MARCHF3: variants seen among roughly 807,000 people sequenced by gnomAD.
The protein encoded by MARCHF3 is E3 ubiquitin-protein ligase MARCHF3.
In MARCHF3, 13 loss-of-function variants were observed where a neutral mutation model predicts 24.2. That is an observed-to-expected ratio of 0.54 (90% CI 0.35 to 0.85). The LOEUF (loss-of-function observed/expected upper bound fraction) is 0.85. MARCHF3 is among the 40% of genes least tolerant of loss of function. MARCHF3 has a pLI of 0.01. For missense variants in MARCHF3, 276 were observed against 325.0 expected, an observed-to-expected ratio of 0.85 and a Z score of 1.16; for synonymous variants, 144 against 137.3, an observed-to-expected ratio of 1.05 and a Z score of -0.34.
intron 1 of MARCHF3, among the ~76,000 whole-genome samples, chr5:126,959,239 C>T (rs1321545817): frequency 6.6e-6 from 1 of 152,138 alleles, no homozygotes; most frequent in Non-Finnish European, 1.5e-5. Context: ...TAGTATGTTT[C>T]CTTGATATGA....
At chr5:126,871,969 C>G (rs1050180842) in intron 4 of MARCHF3, among the ~76,000 whole-genome samples, 1 of 152,054 alleles carries the variant, frequency 6.6e-6, no homozygotes, top group South Asian at 2.1e-4. Flanking sequence ...CCTCAGCCTC[C>G]CAAAGGGCTG....
Position 126,914,174 on chromosome 5 carries a change from G to A in MARCHF3, c.393+756C>T, listed in dbSNP as rs372157401. ...AATTTTTTGTATTTTTAGTAGAGAC[G>A]GGGTTTCACAGTGTTAGCCAGGATG... On this transcript the variant is annotated intron_variant, in intron 3 of 4. Coordinates refer to ENST00000308660, the MANE Select transcript of MARCHF3 (RefSeq NM_178450.5). Among the ~76,000 whole-genome samples, 24 of 151,588 alleles carry A rather than the reference G, an allele frequency of 1.6e-4. No homozygotes were observed. The East Asian group carries it at 2.9e-3, about 18-fold the overall frequency.
rs1404119026 is a variant in MARCHF3, at chr5:126,868,584, T to C, written c.*2049A>G. On this transcript the variant is annotated 3_prime_UTR_variant, in exon 5 of 5. Coordinates refer to ENST00000308660, the MANE Select transcript of MARCHF3 (RefSeq NM_178450.5). ...TCATGAACCAAGATGGCAGGAATTCTCTGCAGCCAACCTTGACAGGAAATC... is the reference window on the plus strand; with the variant it reads ...TCATGAACCAAGATGGCAGGAATTCCCTGCAGCCAACCTTGACAGGAAATC... The C allele has an allele frequency of 6.6e-6, 1 of 152,226 alleles. No individual in the cohort carries two copies. Among genetic ancestry groups the C allele is most frequent in the Admixed American group, 6.5e-5 (1 of 15,284 alleles). 9.4% of individuals were successfully genotyped at this position (152,226 alleles called of 1,614,324 possible). A position where few individuals can be genotyped will look rare whatever the true frequency, so the allele number is the denominator to read the frequency against.
chr5:127,003,215 C>T (rs1030835415), intron 1 of MARCHF3, among the ~76,000 whole-genome samples: 3 of 151,798 alleles, frequency 2.0e-5, no homozygotes, highest in African/African-American at 7.3e-5. Context: ...CGCGGTGGCT[C>T]ACGCTTGTAA....
At chr5:126,990,742 T>C (rs1751730646) in intron 1 of MARCHF3, among the ~76,000 whole-genome samples, 1 of 152,222 alleles carries the variant, frequency 6.6e-6, no homozygotes, top group South Asian at 2.1e-4. Context: ...GCAAAGGATA[T>C]GAACAGACAC....
At chr5:126,903,253 G>A (rs1754165156) in intron 3 of MARCHF3, among the ~76,000 whole-genome samples, 1 of 152,070 alleles carries the variant, frequency 6.6e-6, no homozygotes, top group Non-Finnish European at 1.5e-5. Flanking sequence ...AGATGGTGGA[G>A]GGCTAGGTGT....
At chr5:127,003,595 C>T (rs944606326) in intron 1 of MARCHF3, among the ~76,000 whole-genome samples, 6 of 143,760 alleles carry the variant, frequency 4.2e-5, no homozygotes, top group Non-Finnish European at 7.6e-5. Context: ...ACTAAAAATA[C>T]AAAAATTAGC....
At chr5:126,924,704 G>T (rs1468089922) in intron 1 of MARCHF3, among the ~76,000 whole-genome samples, 1 of 152,138 alleles carries the variant, frequency 6.6e-6, no homozygotes, top group Non-Finnish European at 1.5e-5. Flanking sequence ...TGGAAAAACG[G>T]CATATTTCTT....
chr5:126,910,224 T>G (rs1213770815), intron 3 of MARCHF3, among the ~76,000 whole-genome samples: 2 of 152,248 alleles, frequency 1.3e-5, no homozygotes, highest in African/African-American at 4.8e-5. Context: ...TTCACGAGTT[T>G]TCCAGGCAAG....
intron 3 of MARCHF3, among the ~76,000 whole-genome samples, chr5:126,900,246 T>C (rs1381914406): frequency 6.6e-6 from 1 of 152,046 alleles, no homozygotes; most frequent in Non-Finnish European, 1.5e-5. Flanking sequence ...AATGAGCAAA[T>C]GCAAGAAAGT....
chr5:126,871,381 G>A (rs998725010), intron 4 of MARCHF3, among the ~76,000 whole-genome samples: 2 of 152,166 alleles, frequency 1.3e-5, no homozygotes, highest in African/African-American at 4.8e-5. Flanking sequence ...TTCCAATAAG[G>A]AAATCACAGT....
chr5:126,999,417 C>T (rs912644976), intron 1 of MARCHF3, among the ~76,000 whole-genome samples: 1 of 152,200 alleles, frequency 6.6e-6, no homozygotes, highest in African/African-American at 2.4e-5. Flanking sequence ...AGGGCAAAGA[C>T]CTGGATGGCT....
At chr5:126,997,644 T>C (rs1580719262) in intron 1 of MARCHF3, among the ~76,000 whole-genome samples, 2 of 152,342 alleles carry the variant, frequency 1.3e-5, no homozygotes, top group African/African-American at 2.4e-5. Flanking sequence ...ATAGAAACAG[T>C]AGAATCATCT....
At chr5:126,968,330 C>T (rs1273622011) in intron 1 of MARCHF3, among the ~76,000 whole-genome samples, 2 of 152,166 alleles carry the variant, frequency 1.3e-5, no homozygotes, top group Admixed American at 1.3e-4. Context: ...CCCAAAGTGG[C>T]CACACCACTT....
chr5:127,029,795 A>G (rs1753116763), intron 1 of MARCHF3: 1 of 152,214 alleles, frequency 6.6e-6, no homozygotes, highest in Non-Finnish European at 1.5e-5. Context: ...TCAAGTGCTA[A>G]TAGAAAGCAA....
chr5:126,931,886 A>C (rs1749490481), intron 1 of MARCHF3, among the ~76,000 whole-genome samples: 1 of 152,212 alleles, frequency 6.6e-6, no homozygotes, highest in Non-Finnish European at 1.5e-5. Context: ...GATAATAATA[A>C]TAATAATAAT....
chr5:126,937,094 T>C (rs893275134), intron 1 of MARCHF3, among the ~76,000 whole-genome samples: 5 of 152,310 alleles, frequency 3.3e-5, no homozygotes, highest in African/African-American at 1.2e-4. Flanking sequence ...CCAGGCTTTG[T>C]CAGAATAAAA....
At chr5:126,919,313 C>G (rs1357080495) in intron 1 of MARCHF3, among the ~76,000 whole-genome samples, 1 of 152,180 alleles carries the variant, frequency 6.6e-6, no homozygotes, top group African/African-American at 2.4e-5. Context: ...TGAGATGACA[C>G]AGTTTCATGG....
At chr5:126,979,154 C>T (rs534963774) in intron 1 of MARCHF3, among the ~76,000 whole-genome samples, 3 of 152,204 alleles carry the variant, frequency 2.0e-5, no homozygotes, top group Non-Finnish European at 4.4e-5. Context: ...TTCAACAGTA[C>T]AGTCATTCTG....
Sources: gnomAD v4.1 joint callset for allele counts (sites outside exome capture counted in the v4.1 genomes callset) on GRCh38, gnomAD v4.1.1 for gene constraint, MANE v1.5 for transcripts, NCBI Gene and HGNC (gene_info 2026-07-23, HGNC 2026-07-21) for gene names.